The following SLC9C2 variants were observed in gnomAD, a reference collection of about 807,000 sequenced individuals.
SLC9C2 encodes sodium/hydrogen exchanger 11.
In SLC9C2, 75 loss-of-function variants were observed where a neutral mutation model predicts 140.2. The ratio of observed to expected loss-of-function variants is 0.53; its 90% CI spans 0.44 to 0.65. The LOEUF (loss-of-function observed/expected upper bound fraction) is 0.65, where lower values mean the gene tolerates loss of function less well. SLC9C2 is among the 30% of genes least tolerant of loss of function. The pLI, the probability that SLC9C2 is intolerant of heterozygous loss-of-function variation, is 0.00. For missense variants in SLC9C2, 1,074 were observed against 1,331.8 expected (o/e 0.81, Z 3.01); for synonymous variants, 375 against 420.9 (o/e 0.89, Z 1.34).
chr1:173,547,414 T>C (rs1047281584), intron 13 of SLC9C2, among the ~76,000 whole-genome samples: 4 of 150,554 alleles, frequency 2.7e-5, no homozygotes, highest in African/African-American at 7.3e-5. Context: ...TTATCTAGTA[T>C]GTAAATAGCA....
chr1:173,557,683 A>T (rs1179237893), intron 9 of SLC9C2, among the ~76,000 whole-genome samples, 175 bp from the exon 10 acceptor site: 1 of 152,230 alleles, frequency 6.6e-6, no homozygotes, highest in East Asian at 1.9e-4. Flanking sequence ...CTACTATTTA[A>T]AGTTTGCACA....
Position 173,573,292 on chromosome 1 carries a change from A to C in SLC9C2, c.936T>G (p.His312Gln). 6.4e-7 allele frequency: 1 copy of C among 1,569,310 alleles called. No individual in the cohort carries two copies. The highest frequency in any genetic ancestry group is 8.8e-7 in the Non-Finnish European group (1 of 1,142,132). ...FLRIFSSVYE[H>Q]LIYAFFGIVI... is the part of the protein sequence containing the mutation. ...CAATGCCAAAGAAAGCATATATTAA[A>C]TGTTCATATACAGATGAAAAAATTC... Residue 312 changes from histidine (H) to glutamine (Q), a missense_variant, in exon 9 of 28, where the codon CAT becomes CAG. Transcript: ENST00000367714.
intron 27 of SLC9C2, 88 bp from the exon 28 acceptor site, chr1:173,501,185 G>A (rs995423122): frequency 1.8e-5 from 24 of 1,321,746 alleles, no homozygotes; most frequent in African/African-American, 1.8e-4. Flanking sequence ...GAAAACTTAT[G>A]TAGGCATTTC....
intron 9 of SLC9C2, among the ~76,000 whole-genome samples, chr1:173,572,393 T>C (rs557954781): frequency 6.8e-6 from 1 of 148,118 alleles, no homozygotes; most frequent in South Asian, 2.1e-4. Flanking sequence ...CTATCTGAGT[T>C]GCATGCAGTG....
intron 11 of SLC9C2, among the ~76,000 whole-genome samples, chr1:173,552,787 C>G (rs921115031): frequency 6.6e-6 from 1 of 152,170 alleles, no homozygotes; most frequent in East Asian, 1.9e-4. Context: ...ATGTTGTTTC[C>G]CTGCCTGCCA....
At chr1:173,515,963 A>G (rs577746629) in intron 23 of SLC9C2, among the ~76,000 whole-genome samples, 3 of 152,190 alleles carry the variant, frequency 2.0e-5, no homozygotes, top group East Asian at 3.9e-4. Flanking sequence ...TTCAGGCCCT[A>G]TTCATCTGGT....
At chr1:173,523,832 T>C in intron 21 of SLC9C2, 137 bp downstream of exon 21, 2 of 1,173,036 alleles carry the variant, frequency 1.7e-6, no homozygotes, top group East Asian at 5.1e-5. Flanking sequence ...TCCTCTAGGC[T>C]TTCCTGGGCC....
chr1:173,573,106 T>C (rs993995376), intron 9 of SLC9C2, 76 bp downstream of exon 9: 5 of 1,101,376 alleles, frequency 4.5e-6, no homozygotes, highest in Admixed American at 5.9e-5. Context: ...TTTTGCTGTA[T>C]GCCACTGCTT....
In SLC9C2 at chr1:173,505,975, G is replaced by T. The variant is rs568549279; in HGVS notation, c.3226-644C>A. On this transcript the variant is annotated intron_variant, in intron 25 of 27. Coordinates refer to ENST00000367714, the MANE Select transcript of SLC9C2 (RefSeq NM_178527.4). ...AAACCCTGGTCTCTTAAGAAACTAA[G>T]CTGCAGTATTACTCCTGTTGCTTCC... is the stretch of plus-strand genomic sequence containing the variant. Among the ~76,000 whole-genome samples, 23 of 152,200 alleles carry T rather than the reference G, an allele frequency of 1.5e-4. 1 individual carries two copies. The East Asian group carries it at 3.9e-3, about 26-fold the overall frequency.
rs553888296 is a variant in SLC9C2 at position 173,516,551 on chromosome 1, G to A, written c.2907+986C>T. Among the ~76,000 whole-genome samples, 71 of 152,230 alleles carry A rather than the reference G, an allele frequency of 4.7e-4. 1 individual carries two copies. Among genetic ancestry groups the A allele is most frequent in the African/African-American group, 1.6e-3 (68 of 41,530 alleles). ...CATCATTTAGCTCCCACTTATATGT[G>A]AGAACATGTGATATTTGGCTTTCTG... is the stretch of plus-strand genomic sequence containing the variant. On this transcript the variant is annotated intron_variant, in intron 23 of 27. Coordinates refer to ENST00000367714, the MANE Select transcript of SLC9C2 (RefSeq NM_178527.4).
intron 17 of SLC9C2, among the ~76,000 whole-genome samples, chr1:173,530,329 C>T (rs16846134): frequency 0.067 from 10,130 of 152,188 alleles, 1,178 homozygotes; most frequent in African/African-American, 0.23. Context: ...TAGTGAATAA[C>T]TGACTCTTGC....
chr1:173,589,555 G>A (rs1666043310), intron 4 of SLC9C2, among the ~76,000 whole-genome samples: 1 of 151,522 alleles, frequency 6.6e-6, no homozygotes, highest in Non-Finnish European at 1.5e-5. Context: ...GCTAGACTCT[G>A]TCTCAAAAAA....
intron 19 of SLC9C2, among the ~76,000 whole-genome samples, chr1:173,526,075 T>G (rs973193176): frequency 1.3e-5 from 2 of 152,222 alleles, no homozygotes; most frequent in Non-Finnish European, 2.9e-5. Flanking sequence ...GCCTTCCATA[T>G]GCTGGGCCCT....
At chr1:173,525,064 C>G (rs1173413352) in intron 19 of SLC9C2, 137 bp from the exon 20 acceptor site, 4 of 968,828 alleles carry the variant, frequency 4.1e-6, no homozygotes, top group Non-Finnish European at 5.8e-6. Context: ...CTCATGAGGT[C>G]AGCAGGCAAA....
chr1:173,558,049 G>A (rs1663829762), intron 9 of SLC9C2, among the ~76,000 whole-genome samples: 1 of 152,088 alleles, frequency 6.6e-6, no homozygotes, highest in Non-Finnish European at 1.5e-5. Context: ...ATACGACCCT[G>A]TGCCAAAATT....
chr1:173,536,023 A>C (rs1272235282), intron 14 of SLC9C2, 74 bp from the exon 15 acceptor site: 5 of 1,293,480 alleles, frequency 3.9e-6, no homozygotes, highest in Non-Finnish European at 5.2e-6. Context: ...TAAAAGGGGA[A>C]GGTGTACTAA....
chr1:173,537,152 G>T, intron 13 of SLC9C2, 113 bp from the exon 14 acceptor site: 1 of 749,278 alleles, frequency 1.3e-6, no homozygotes, highest in Non-Finnish European at 2.2e-6. Flanking sequence ...ATCAAAATAT[G>T]CCATTACAAA....
At chr1:173,541,353 A>G (rs546509062) in intron 13 of SLC9C2, among the ~76,000 whole-genome samples, 11 of 152,346 alleles carry the variant, frequency 7.2e-5, no homozygotes, top group African/African-American at 2.6e-4. Context: ...ACCCAGATTC[A>G]TAAAGCAAGT....
At chr1:173,581,356 C>CT (rs1401931634) in intron 7 of SLC9C2, among the ~76,000 whole-genome samples, 1 of 152,210 alleles carries the variant, frequency 6.6e-6, no homozygotes, top group Non-Finnish European at 1.5e-5. Context: ...CACTCTCCTG[C>CT]TTCTCTTTCA....
Sources: allele counts gnomAD v4.1 joint callset (sites outside exome capture counted in the v4.1 genomes callset), GRCh38; gene constraint gnomAD v4.1.1; transcripts MANE v1.5; gene names NCBI Gene and HGNC (gene_info 2026-07-23, HGNC 2026-07-21).